NCAPH: variants seen among roughly 807,000 people sequenced by gnomAD.
NCAPH encodes the protein condensin complex subunit 2.
In NCAPH, 38 loss-of-function variants were observed where a neutral mutation model predicts 85.5. The ratio of observed to expected loss-of-function variants is 0.44; its 90% CI spans 0.34 to 0.58. The LOEUF (loss-of-function observed/expected upper bound fraction) is 0.58. NCAPH is among the 20% of genes least tolerant of loss of function. The pLI is 0.01. For synonymous variants in NCAPH, 301 were observed against 335.1 expected (o/e 0.90, Z 1.11); for missense variants, 789 against 916.6 (o/e 0.86, Z 1.80).
Position 96,344,212 on chromosome 2 carries a change from G to A in NCAPH, c.703G>A (p.Ala235Thr), listed in dbSNP as rs764956479. 1.9e-6 allele frequency: 3 copies of A among 1,611,164 alleles called. No individual in the cohort carries two copies. The South Asian group carries it at 3.3e-5, about 18-fold the overall frequency. Residue 235 changes from alanine (A) to threonine (T), a missense_variant, in exon 6 of 18, where the codon GCA (alanine) becomes ACA (threonine). Ala to Thr is a moderately conservative substitution (Grantham distance 58). Coordinates refer to ENST00000240423, the MANE Select transcript of NCAPH (RefSeq NM_015341.5). ...QNINNLNVSE[A>T]DRKCEIDPMF... ...CATAAACAACCTCAATGTCTCCGAA[G>A]CAGATCGGAAGTGTGAGGTGAGGAA...
chr2:96,339,143 A>G (rs1369280445), intron 1 of NCAPH, among the ~76,000 whole-genome samples: 1 of 152,204 alleles, frequency 6.6e-6, no homozygotes, highest in African/African-American at 2.4e-5. Flanking sequence ...GTTTGTGGTC[A>G]TTTGTGACAG....
intron 1 of NCAPH, among the ~76,000 whole-genome samples, chr2:96,338,143 T>A (rs1016047135): frequency 6.7e-6 from 1 of 148,818 alleles, no homozygotes; most frequent in African/African-American, 2.5e-5. Flanking sequence ...GCCAGGCTGG[T>A]CTCGAACTCC....
rs114974310 is a variant in NCAPH, at chr2:96,375,494, G to T, written c.*2143G>T. Among the ~76,000 whole-genome samples the T allele has an allele frequency of 3.9e-5, 6 of 152,274 alleles. No individual in the cohort carries two copies. The highest frequency in any genetic ancestry group is 5.9e-5 in the Non-Finnish European group (4 of 68,028). On this transcript the variant is annotated 3_prime_UTR_variant, in exon 18 of 18. Transcript: ENST00000240423. ...TCCTCTTGCCCTTCTGCCATGTAAG[G>T]ATGCAATGAGAAGGCACCATCTGTG...
chr2:96,374,504 G>A lies in NCAPH; in HGVS notation c.*1153G>A, dbSNP rs1220656652. Among the ~76,000 whole-genome samples, 1 of 152,172 alleles carries A rather than the reference G, an allele frequency of 6.6e-6. No homozygotes were observed. Among genetic ancestry groups the A allele is most frequent in the Non-Finnish European group, 1.5e-5 (1 of 68,044 alleles). ...GCCAGAACACCCGTCATCATTGACT[G>A]GCTAAATAGAGATCTTGGATATAGG... On this transcript the variant is annotated 3_prime_UTR_variant, in exon 18 of 18. Transcript: ENST00000240423.
chr2:96,368,916 C>G, intron 15 of NCAPH, 56 bp from the exon 16 acceptor site: 1 of 1,470,418 alleles, frequency 6.8e-7, no homozygotes, highest in Non-Finnish European at 9.2e-7. Context: ...ATTTTTGTTG[C>G]CCTTTCAAAA....
intron 15 of NCAPH, 138 bp downstream of exon 15, chr2:96,367,511 G>A (rs1423146380): frequency 1.7e-6 from 1 of 599,724 alleles, no homozygotes. Context: ...AGCTGGGCAT[G>A]GTGGCTCACA....
chr2:96,353,190 A>C, intron 7 of NCAPH, 116 bp from the exon 8 acceptor site: 1 of 787,096 alleles, frequency 1.3e-6, no homozygotes, highest in Non-Finnish European at 2.1e-6. Flanking sequence ...TTGCTGGAGG[A>C]CAGTGAGGTA....
chr2:96,361,040 CTTTT>C lies in NCAPH; in HGVS notation c.1587+353_1587+356del, dbSNP rs760283642. ...TATTTCTTGATTCCTTTGCTTTCTC[CTTTT>C]TTTTTTTTTTTTTTTTTTTTTTGAC... On this transcript the variant is annotated intron_variant, in intron 12 of 17. Coordinates refer to ENST00000240423, the MANE Select transcript of NCAPH (RefSeq NM_015341.5). 1.4e-4 allele frequency among the ~76,000 whole-genome samples: 12 copies of C among 86,750 alleles called. 1 individual carries two copies. The highest frequency in any genetic ancestry group is 6.8e-5 in the Non-Finnish European group (3 of 44,264). The allele number at this position is 86,750 out of a possible 152,430, so 56.9% of individuals were successfully genotyped here. A position where few individuals can be genotyped will look rare whatever the true frequency, so the allele number is the denominator to read the frequency against.
intron 4 of NCAPH, 111 bp downstream of exon 4, chr2:96,342,959 T>C: frequency 3.4e-6 from 4 of 1,166,124 alleles, no homozygotes; most frequent in Non-Finnish European, 5.0e-6. Context: ...CTCATTTAGA[T>C]GTTATGTTAG....
At chr2:96,336,023 C>T (rs952197130) in intron 1 of NCAPH, among the ~76,000 whole-genome samples, 175 bp downstream of exon 1, 1 of 151,792 alleles carries the variant, frequency 6.6e-6, no homozygotes, top group Non-Finnish European at 1.5e-5. Flanking sequence ...CGGCGCGGGG[C>T]GGGCGGACCT....
At chr2:96,371,359 T>C (rs761367424) in intron 17 of NCAPH, among the ~76,000 whole-genome samples, 18 of 152,152 alleles carry the variant, frequency 1.2e-4, no homozygotes, top group Non-Finnish European at 5.9e-5. Context: ...CTTTCGCTCA[T>C]CAGCCCCAGC....
intron 12 of NCAPH, among the ~76,000 whole-genome samples, chr2:96,361,819 T>A (rs1291851324): frequency 1.7e-5 from 1 of 59,740 alleles, no homozygotes; most frequent in Admixed American, 1.9e-4. Flanking sequence ...TATATATATA[T>A]ATATATATAT....
At chr2:96,340,378 A>G (rs1027138475) in intron 1 of NCAPH, among the ~76,000 whole-genome samples, 3 of 149,452 alleles carry the variant, frequency 2.0e-5, no homozygotes, top group Non-Finnish European at 4.4e-5. Context: ...AATACTAATA[A>G]GCATCTTTTT....
At chr2:96,353,156 C>T in intron 7 of NCAPH, 150 bp from the exon 8 acceptor site, 1 of 658,486 alleles carries the variant, frequency 1.5e-6, no homozygotes, top group Non-Finnish European at 2.6e-6. Context: ...GGCAGCTAGC[C>T]AGCCACTGAT....
chr2:96,350,248 A>G (rs2064421348), intron 6 of NCAPH, among the ~76,000 whole-genome samples: 1 of 152,230 alleles, frequency 6.6e-6, no homozygotes, highest in African/African-American at 2.4e-5. Flanking sequence ...TTGCTTGGGG[A>G]TATAAATCCC....
chr2:96,367,241 CA>C lies in NCAPH; in HGVS notation c.1882-15del. The C allele has an allele frequency of 6.5e-7, 1 of 1,540,058 alleles. No homozygotes were observed. Among genetic ancestry groups the C allele is most frequent in the African/African-American group, 1.4e-5 (1 of 73,426 alleles). ...TTTATTCTGCTTAGTTTTACTTTGT[CA>C]TATACCTATTTCAGGTAAATAAAAT... On this transcript the variant is annotated splice_polypyrimidine_tract_variant and intron_variant, in intron 14 of 17. Coordinates refer to ENST00000240423, the MANE Select transcript of NCAPH (RefSeq NM_015341.5).
chr2:96,364,630 C>T, intron 13 of NCAPH, 39 bp downstream of exon 13: 1 of 1,454,976 alleles, frequency 6.9e-7, no homozygotes, highest in South Asian at 1.2e-5. Context: ...TCTTCTAAGC[C>T]AGGGAGTCGT....
chr2:96,351,372 T>G (rs1262785745), intron 6 of NCAPH, among the ~76,000 whole-genome samples: 6 of 152,168 alleles, frequency 3.9e-5, no homozygotes, highest in Non-Finnish European at 8.8e-5. Context: ...ATCTGCTCAA[T>G]TAGAAAGCCA....
At position 96,340,383 on chromosome 2, in the gene NCAPH, CTTTTTTTT is replaced by C. The variant is rs908160989; in HGVS notation, c.20-1242_20-1235del. 9.1e-3 allele frequency among the ~76,000 whole-genome samples: 832 copies of C among 91,288 alleles called. 5 individuals carry two copies. The highest frequency in any genetic ancestry group is 0.019 in the Middle Eastern group (2 of 106). 59.9% of individuals were successfully genotyped at this position (91,288 alleles called of 152,430 possible). A position where few individuals can be genotyped will look rare whatever the true frequency, so the allele number is the denominator to read the frequency against. The stretch of plus-strand genomic sequence containing the variant: ...TAGGATGACTAATACTAATAAGCAT[CTTTTTTTT>C]TTTTTTTTTTTTTTTTGAGACGGAG... On this transcript the variant is annotated intron_variant, in intron 1 of 17. Coordinates refer to ENST00000240423, the MANE Select transcript of NCAPH (RefSeq NM_015341.5).
Sources: allele counts gnomAD v4.1 joint callset (sites outside exome capture counted in the v4.1 genomes callset), GRCh38; gene constraint gnomAD v4.1.1; transcripts MANE v1.5; gene names NCBI Gene and HGNC (gene_info 2026-07-23, HGNC 2026-07-21).